SNX24: variants seen among roughly 807,000 people sequenced by gnomAD.
The protein encoded by SNX24 is sorting nexin 24.
SNX24 carries 22 observed loss-of-function variants against 28.7 expected under a neutral mutation model. That is an observed-to-expected ratio of 0.77 (90% CI 0.55 to 1.10). The LOEUF is 1.10. SNX24 is among the 50% of genes least tolerant of loss of function. SNX24 has a pLI of 0.00. For missense variants in SNX24, 221 were observed against 201.1 expected, an observed-to-expected ratio of 1.10 and a Z score of -0.60; for synonymous variants, 69 against 71.5, an observed-to-expected ratio of 0.96 and a Z score of 0.18.
At chr5:122,845,762 C>T (rs1214015698) in intron 1 of SNX24, 69 bp downstream of exon 1, 1 of 971,036 alleles carries the variant, frequency 1.0e-6, no homozygotes, top group Non-Finnish European at 1.4e-6. Context: ...CAGGAAACAC[C>T]CTTGGCCGCC....
chr5:122,877,865 G>A (rs1164718779), intron 1 of SNX24, among the ~76,000 whole-genome samples: 1 of 152,020 alleles, frequency 6.6e-6, no homozygotes, highest in African/African-American at 2.4e-5. Flanking sequence ...ATTCCTCACT[G>A]GACTCCTCTC....
At chr5:122,901,660 G>GC (rs1757454414) in intron 1 of SNX24, among the ~76,000 whole-genome samples, 1 of 152,084 alleles carries the variant, frequency 6.6e-6, no homozygotes, top group South Asian at 2.1e-4. Flanking sequence ...TCCTGTCATT[G>GC]CCCCTTGGAC....
intron 1 of SNX24, among the ~76,000 whole-genome samples, chr5:122,861,655 A>C (rs1755467958): frequency 6.6e-6 from 1 of 152,070 alleles, no homozygotes; most frequent in African/African-American, 2.4e-5. Context: ...TTAAATTCTG[A>C]TTATTAGATT....
In SNX24 at chr5:122,953,781, A is replaced by AT. The variant is rs536142228; in HGVS notation, c.249+7629dup. ...CTTGAGAATAATAGTTCTTGTTTAT[A>AT]TTTTTTTCTTTTTGTAAACAGTAAT... is the stretch of plus-strand genomic sequence containing the variant. On this transcript the variant is annotated intron_variant, in intron 3 of 6. Coordinates refer to ENST00000261369, the MANE Select transcript of SNX24 (RefSeq NM_014035.4). 1.3e-3 allele frequency among the ~76,000 whole-genome samples: 198 copies of AT among 152,272 alleles called. 1 individual carries two copies. Among genetic ancestry groups the AT allele is most frequent in the Middle Eastern group, 6.8e-3 (2 of 294 alleles).
chr5:122,966,802 C>T (rs1261098090), intron 3 of SNX24, among the ~76,000 whole-genome samples: 2 of 152,112 alleles, frequency 1.3e-5, no homozygotes, highest in Non-Finnish European at 2.9e-5. Context: ...AGCTAAAATA[C>T]ATGAAGCATC....
chr5:122,883,730 A>G (rs935447709), intron 1 of SNX24, among the ~76,000 whole-genome samples: 1 of 152,058 alleles, frequency 6.6e-6, no homozygotes, highest in Non-Finnish European at 1.5e-5. Context: ...GCTCACTGCA[A>G]GCTTGAACTC....
At chr5:122,956,653 A>G (rs1195567228) in intron 3 of SNX24, among the ~76,000 whole-genome samples, 1 of 152,140 alleles carries the variant, frequency 6.6e-6, no homozygotes, top group Non-Finnish European at 1.5e-5. Context: ...TCCGACCAAC[A>G]GTGAGCAAGG....
chr5:122,999,933 GA>G lies in SNX24; in HGVS notation c.273del (p.Glu91AspfsTer10). 1.5e-5 allele frequency: 24 copies of G among 1,612,392 alleles called. No homozygotes were observed. The highest frequency in any genetic ancestry group is 2.0e-5 in the Non-Finnish European group (23 of 1,178,494). On this transcript the variant is annotated frameshift_variant, in exon 4 of 7. Coordinates refer to ENST00000261369, the MANE Select transcript of SNX24 (RefSeq NM_014035.4). LOFTEE classifies it high-confidence loss of function. ...ACAGGCTGTCATTTTAGAAAATGAA[GA>G]ACTTCCCAAACTGTTTCTTGATTTC... ...YLQAVILENEELPKLFLDFLN... is the reference protein window; with the variant it reads ...YLQAVILENEXLPKLFLDFLN...
chr5:122,908,174 C>G (rs1180546321), intron 1 of SNX24, among the ~76,000 whole-genome samples: 1 of 152,226 alleles, frequency 6.6e-6, no homozygotes, highest in Non-Finnish European at 1.5e-5. Flanking sequence ...AGCAAAATGT[C>G]ATCACCTGAA....
At chr5:122,904,873 A>G (rs1227772821) in intron 1 of SNX24, among the ~76,000 whole-genome samples, 1 of 152,182 alleles carries the variant, frequency 6.6e-6, no homozygotes, top group Non-Finnish European at 1.5e-5. Flanking sequence ...ACCCATGTGA[A>G]AGGAAGACAG....
intron 1 of SNX24, among the ~76,000 whole-genome samples, chr5:122,896,649 A>T (rs370996708): frequency 1.5e-4 from 23 of 152,252 alleles, no homozygotes; most frequent in Admixed American, 9.8e-4. Context: ...ATTTCTCTCC[A>T]TGGCCAAATT....
rs375204445 is a variant in SNX24, at chr5:122,856,906, T to C, written c.60+11213T>C. 1.1e-4 allele frequency among the ~76,000 whole-genome samples: 16 copies of C among 152,306 alleles called. 2 individuals are homozygous for C. Among genetic ancestry groups the C allele is most frequent in the East Asian group, 3.9e-4 (2 of 5,194 alleles). ...CATTCGGTGCTGCAGTCTATTTCCT[T>C]TGGGTCAGGGGTCTCCTCAGTATCT... On this transcript the variant is annotated intron_variant, in intron 1 of 6. Transcript: ENST00000261369.
intron 1 of SNX24, among the ~76,000 whole-genome samples, chr5:122,897,649 T>C (rs1383454703): frequency 1.3e-5 from 2 of 152,244 alleles, no homozygotes; most frequent in South Asian, 2.1e-4. Flanking sequence ...GCAATGAATA[T>C]GTGTGTGTGC....
At chr5:123,002,754 C>A (rs1276659959) in intron 6 of SNX24, among the ~76,000 whole-genome samples, 1 of 152,204 alleles carries the variant, frequency 6.6e-6, no homozygotes, top group African/African-American at 2.4e-5. Context: ...TAATTGTAAT[C>A]AATATTTTCG....
chr5:122,877,895 G>A (rs1756303127), intron 1 of SNX24, among the ~76,000 whole-genome samples: 1 of 152,012 alleles, frequency 6.6e-6, no homozygotes, highest in Non-Finnish European at 1.5e-5. Context: ...CTGCTCCTAT[G>A]GACAGGAGCC....
At chr5:122,913,889 C>T (rs558834772) in intron 1 of SNX24, among the ~76,000 whole-genome samples, 1 of 152,350 alleles carries the variant, frequency 6.6e-6, no homozygotes, top group Non-Finnish European at 1.5e-5. Context: ...TGGCGGATCA[C>T]TCGCGGTTAG....
intron 3 of SNX24, among the ~76,000 whole-genome samples, chr5:122,948,847 A>G (rs899475210): frequency 1.3e-5 from 2 of 152,216 alleles, no homozygotes; most frequent in African/African-American, 4.8e-5. Flanking sequence ...TTTCTAAGTC[A>G]GGAGAAATTT....
At chr5:122,930,554 G>T (rs752647201) in intron 1 of SNX24, among the ~76,000 whole-genome samples, 3 of 152,084 alleles carry the variant, frequency 2.0e-5, no homozygotes, top group Non-Finnish European at 2.9e-5. Context: ...TTCTAGGGTG[G>T]GTAGGTGTGG....
At chr5:122,989,127 A>G (rs560363706) in intron 3 of SNX24, among the ~76,000 whole-genome samples, 1 of 152,254 alleles carries the variant, frequency 6.6e-6, no homozygotes, top group African/African-American at 2.4e-5. Flanking sequence ...CAATCTGCAG[A>G]AGCATGAGGG....
Sources: allele counts gnomAD v4.1 joint callset (sites outside exome capture counted in the v4.1 genomes callset), GRCh38; gene constraint gnomAD v4.1.1; transcripts MANE v1.5; gene names NCBI Gene and HGNC (gene_info 2026-07-23, HGNC 2026-07-21).